The following FBXO10 variants were observed in gnomAD, a reference collection of about 807,000 sequenced individuals.
FBXO10 encodes the protein F-box protein 10.
In FBXO10, 39 loss-of-function variants were observed where a neutral mutation model predicts 80.7. The ratio of observed to expected loss-of-function variants is 0.48; its 90% CI spans 0.37 to 0.63. The LOEUF (loss-of-function observed/expected upper bound fraction) is 0.63, where lower values mean the gene tolerates loss of function less well. Ranked by LOEUF, FBXO10 falls within the 30% of genes least tolerant of loss-of-function variation. The pLI, the probability that FBXO10 is intolerant of heterozygous loss-of-function variation, is 0.00. For missense variants in FBXO10, 1,025 were observed against 1,269.0 expected, an observed-to-expected ratio of 0.81 and a Z score of 2.92; for synonymous variants, 449 against 489.6, an observed-to-expected ratio of 0.92 and a Z score of 1.09.
intron 1 of FBXO10, among the ~76,000 whole-genome samples, chr9:37,564,940 G>T (rs572680365): frequency 5.9e-5 from 9 of 152,290 alleles, no homozygotes; most frequent in Non-Finnish European, 1.2e-4. Context: ...GAGGGCCCAG[G>T]GGCAGAATGA....
intron 7 of FBXO10, chr9:37,522,373 A>T: frequency 1.0e-6 from 1 of 1,001,438 alleles, no homozygotes; most frequent in Non-Finnish European, 1.2e-6. Context: ...TATTATTATC[A>T]CTGTATTATT....
At chr9:37,519,390 A>G (rs1448143738) in intron 8 of FBXO10, among the ~76,000 whole-genome samples, 1 of 152,206 alleles carries the variant, frequency 6.6e-6, no homozygotes, top group Non-Finnish European at 1.5e-5. Context: ...TTAGAGCTCC[A>G]TGGCTTGTCA....
At chr9:37,561,486 C>T (rs1822482286) in intron 1 of FBXO10, among the ~76,000 whole-genome samples, 1 of 152,154 alleles carries the variant, frequency 6.6e-6, no homozygotes. Flanking sequence ...AGGCAAGTCC[C>T]ATAAGACTTG....
At chr9:37,515,459 A>G (rs10117614) in intron 10 of FBXO10, 9,195 of 153,666 alleles carry the variant, frequency 0.06, 717 homozygotes, top group African/African-American at 0.18. Flanking sequence ...GCTGAAATGG[A>G]GAACGTGAAA....
chr9:37,512,647 G>C lies in FBXO10; in HGVS notation c.2771C>G (p.Ala924Gly). 1 of 1,614,012 alleles carries C rather than the reference G, an allele frequency of 6.2e-7. No homozygotes were observed. The highest frequency in any genetic ancestry group is 1.3e-5 in the African/African-American group (1 of 75,034). The change falls in exon 11 of 11, where the codon GCC becomes GGC. Residue 924 changes from alanine (A) to glycine (G), a missense_variant. Ala to Gly is a moderately conservative substitution (Grantham distance 60). Around this residue, in one of 3 missense-constraint regions of FBXO10, gnomAD observed 97 missense variants for 101.8 expected, o/e 0.95. Transcript: ENST00000432825. Reference protein sequence around the residue: ...LENSLRRPSAAHNGQKVTAMA... With the variant: ...LENSLRRPSAGHNGQKVTAMA... ...GGCTGTCACCTTCTGCCCATTGTGG[G>C]CTGCCGAGGGACGTCTGAGAGAATT...
chr9:37,568,671 T>C (rs947401316), intron 1 of FBXO10, among the ~76,000 whole-genome samples: 5 of 152,120 alleles, frequency 3.3e-5, no homozygotes, highest in Admixed American at 6.5e-5. Context: ...ACGGAGTTCA[T>C]GTGGTCTAAG....
At chr9:37,544,148 A>G (rs1170924968) in intron 1 of FBXO10, among the ~76,000 whole-genome samples, 1 of 152,242 alleles carries the variant, frequency 6.6e-6, no homozygotes, top group African/African-American at 2.4e-5. Flanking sequence ...GTGCGCCTGT[A>G]GTTCCAGCAA....
chr9:37,517,714 A>G (rs1213249075), intron 9 of FBXO10, among the ~76,000 whole-genome samples: 3 of 152,212 alleles, frequency 2.0e-5, no homozygotes, highest in Admixed American at 1.3e-4. Flanking sequence ...TATATAGGGA[A>G]GAGTGTATGC....
chr9:37,527,097 C>G (rs542946077), intron 5 of FBXO10, among the ~76,000 whole-genome samples: 1 of 152,058 alleles, frequency 6.6e-6, no homozygotes, highest in East Asian at 1.9e-4. Context: ...GTGATCTGCC[C>G]GCCTCGGCCT....
At chr9:37,566,911 T>C (rs1459584191) in intron 1 of FBXO10, among the ~76,000 whole-genome samples, 1 of 152,228 alleles carries the variant, frequency 6.6e-6, no homozygotes, top group Non-Finnish European at 1.5e-5. Context: ...TGTGTTCTGA[T>C]GGTGCTTTCT....
intron 1 of FBXO10, among the ~76,000 whole-genome samples, chr9:37,552,691 CAAAAAAAAA>C (rs779389401): frequency 4.3e-4 from 41 of 95,312 alleles, no homozygotes; most frequent in Admixed American, 9.3e-4. Context: ...GACTCCATAT[CAAAAAAAAA>C]AAAAAAAAAA....
intron 6 of FBXO10, among the ~76,000 whole-genome samples, chr9:37,524,868 T>C (rs1405107670): frequency 1.3e-5 from 2 of 152,236 alleles, no homozygotes; most frequent in Admixed American, 6.5e-5. Flanking sequence ...GTGAGCCACC[T>C]TGTGAGGGCC....
chr9:37,562,707 A>G (rs1266967692), intron 1 of FBXO10, among the ~76,000 whole-genome samples: 1 of 152,190 alleles, frequency 6.6e-6, no homozygotes, highest in Non-Finnish European at 1.5e-5. Flanking sequence ...TACTCAAATC[A>G]TTAGCAATAG....
At chr9:37,530,264 C>T (rs772616375) in intron 4 of FBXO10, among the ~76,000 whole-genome samples, 51 of 152,328 alleles carry the variant, frequency 3.3e-4, no homozygotes, top group Admixed American at 5.9e-4. Flanking sequence ...TAAAGTGTTT[C>T]GTGTGCAAAC....
In FBXO10 at chr9:37,518,135, G is replaced by A; in HGVS notation, c.2504C>T (p.Ser835Phe). The stretch of plus-strand genomic sequence containing the variant: ...TGCAGACATACTCACTTTAGTGTCG[G>A]ACCTGGGCAGCAGCTGCAGCCCGCT... ...RGSGLQLLPR[S>F]DTKVIKNRIH... Residue 835 changes from serine to phenylalanine, a missense_variant, in exon 9 of 11, where the codon TCC becomes TTC. By Grantham distance (155) the Ser-to-Phe change is radical (BLOSUM62 -2). Transcript: ENST00000432825. The A allele has an allele frequency of 6.2e-7, 1 of 1,612,766 alleles. No homozygotes were observed. The highest frequency in any genetic ancestry group is 8.5e-7 in the Non-Finnish European group (1 of 1,179,254).
Position 37,537,739 on chromosome 9 carries a change from C to T in FBXO10, c.790G>A (p.Ala264Thr), listed in dbSNP as rs200742597. ...NSVTVEGHPSADKNWAYKYLL... is the reference protein window; with the variant it reads ...NSVTVEGHPSTDKNWAYKYLL... The stretch of plus-strand genomic sequence containing the variant: ...TACTTGTAGGCCCAGTTCTTATCTG[C>T]AGATGGGTGACCCTCAACAGTCACA... Residue 264 changes from alanine (A) to threonine (T), a missense_variant, in exon 3 of 11, where the codon GCA becomes ACA. Ala to Thr is a moderately conservative substitution (Grantham distance 58, BLOSUM62 0). Transcript: ENST00000432825. 1 of 1,614,022 alleles carries T rather than the reference C, an allele frequency of 6.2e-7. No homozygotes were observed. Among genetic ancestry groups the T allele is most frequent in the East Asian group, 2.2e-5 (1 of 44,888 alleles).
At chr9:37,534,015 C>T (rs1306233517) in intron 3 of FBXO10, among the ~76,000 whole-genome samples, 1 of 151,970 alleles carries the variant, frequency 6.6e-6, no homozygotes, top group South Asian at 2.1e-4. Flanking sequence ...AGGTTAGGTG[C>T]AAATACTATA....
At chr9:37,560,971 T>A (rs1273758899) in intron 1 of FBXO10, among the ~76,000 whole-genome samples, 1 of 151,968 alleles carries the variant, frequency 6.6e-6, no homozygotes, top group Non-Finnish European at 1.5e-5. Context: ...TGAAACCCCG[T>A]CTCTACTAAA....
intron 9 of FBXO10, among the ~76,000 whole-genome samples, chr9:37,516,960 C>CAA (rs56108001): frequency 0.096 from 10,727 of 112,064 alleles, 1,020 homozygotes; most frequent in African/African-American, 0.27. Context: ...AACTCCATCT[C>CAA]AAAAAAAAAA....
Sources: gnomAD v4.1 joint callset for allele counts (sites outside exome capture counted in the v4.1 genomes callset) on GRCh38, gnomAD v4.1.1 for gene constraint, gnomAD v4.1.1 regional missense constraint, MANE v1.5 for transcripts, NCBI Gene and HGNC (gene_info 2026-07-23, HGNC 2026-07-21) for gene names.